HYCC1: variants seen among roughly 807,000 people sequenced by gnomAD.
The protein encoded by HYCC1 is hyccin.
the HYCC1 span, among the ~76,000 whole-genome samples, chr7:22,951,054 T>C: frequency 6.6e-6 from 1 of 151,988 alleles, no homozygotes. Flanking sequence ...ATACTTTTAA[T>C]AGACATTTCC....
At chr7:23,005,149 T>C in the HYCC1 span, among the ~76,000 whole-genome samples, 4 of 152,146 alleles carry the variant, frequency 2.6e-5, no homozygotes, top group Admixed American at 6.5e-5. Context: ...CCTATATTCC[T>C]CTTATAAGCC....
At chr7:22,910,487 T>C in the HYCC1 span, among the ~76,000 whole-genome samples, 9 of 152,338 alleles carry the variant, frequency 5.9e-5, no homozygotes, top group East Asian at 1.7e-3. Flanking sequence ...TTTAATATTA[T>C]TCAGTCTCAG....
chr7:22,958,269 A>G, the HYCC1 span, among the ~76,000 whole-genome samples: 8 of 152,138 alleles, frequency 5.3e-5, no homozygotes, highest in African/African-American at 1.9e-4. Flanking sequence ...AGGAGACTGC[A>G]ACCTACCTGT....
chr7:22,959,206 A>T, the HYCC1 span, among the ~76,000 whole-genome samples: 1 of 152,136 alleles, frequency 6.6e-6, no homozygotes, highest in African/African-American at 2.4e-5. Flanking sequence ...AAAACACCAA[A>T]AATGATCACT....
chr7:22,963,084 C>T, the HYCC1 span, among the ~76,000 whole-genome samples: 1 of 152,062 alleles, frequency 6.6e-6, no homozygotes, highest in Non-Finnish European at 1.5e-5. Flanking sequence ...AGAGGCATGC[C>T]CATTTCCTGT....
chr7:22,980,641 A>G, the HYCC1 span, among the ~76,000 whole-genome samples: 1 of 152,186 alleles, frequency 6.6e-6, no homozygotes, highest in Non-Finnish European at 1.5e-5. Context: ...AAATCTTGCA[A>G]AATTTTTTGT....
the HYCC1 span, among the ~76,000 whole-genome samples, chr7:22,997,066 C>T: frequency 6.6e-6 from 1 of 152,060 alleles, no homozygotes; most frequent in African/African-American, 2.4e-5. Flanking sequence ...ATTTCACTAG[C>T]CCAATAAGTC....
the HYCC1 span, chr7:22,934,275 G>A: frequency 7.8e-6 from 1 of 128,220 alleles, no homozygotes; most frequent in Non-Finnish European, 1.6e-5. Flanking sequence ...ATACTCAAGA[G>A]GAAAACAAGG....
chr7:22,898,385 T>C, the HYCC1 span, among the ~76,000 whole-genome samples: 1 of 151,636 alleles, frequency 6.6e-6, no homozygotes, highest in East Asian at 2.0e-4. Flanking sequence ...AGCTAATTTT[T>C]GTATTTTTAG....
At chr7:22,986,026 C>A in the HYCC1 span, among the ~76,000 whole-genome samples, 12 of 128,338 alleles carry the variant, frequency 9.4e-5, no homozygotes, top group East Asian at 2.3e-3. Context: ...AAGATTACTA[C>A]TTTATATATA....
chr7:22,993,550 GA>G, the HYCC1 span, among the ~76,000 whole-genome samples: 1 of 151,986 alleles, frequency 6.6e-6, no homozygotes, highest in Non-Finnish European at 1.5e-5. Flanking sequence ...AAATTATTAA[GA>G]AAAAAGGTAG....
At chr7:22,967,517 T>C in the HYCC1 span, among the ~76,000 whole-genome samples, 2 of 152,210 alleles carry the variant, frequency 1.3e-5, no homozygotes, top group Non-Finnish European at 2.9e-5. Context: ...TGCTAGGTTT[T>C]ACCACGTAGA....
the HYCC1 span, chr7:22,945,721 G>C: frequency 1.2e-6 from 2 of 1,613,770 alleles, no homozygotes; most frequent in Non-Finnish European, 8.5e-7. Flanking sequence ...AAAACCTATT[G>C]GCATCTGTCC....
the HYCC1 span, among the ~76,000 whole-genome samples, chr7:22,918,480 C>A: frequency 1.3e-5 from 2 of 152,164 alleles, no homozygotes; most frequent in East Asian, 1.9e-4. Flanking sequence ...ATACCACCCC[C>A]AAAAATTTTT....
chr7:22,907,822 G>C, the HYCC1 span, among the ~76,000 whole-genome samples: 1 of 152,324 alleles, frequency 6.6e-6, no homozygotes, highest in South Asian at 2.1e-4. Flanking sequence ...TGAGGCAGGA[G>C]AATCGCTTGA....
the HYCC1 span, chr7:22,976,583 T>C: frequency 1.3e-6 from 1 of 758,054 alleles, no homozygotes; most frequent in Non-Finnish European, 2.3e-6. Context: ...GACTCAGTAT[T>C]CAAATAAATT....
chr7:22,896,037 T>G, the HYCC1 span, among the ~76,000 whole-genome samples: 1 of 152,226 alleles, frequency 6.6e-6, no homozygotes, highest in African/African-American at 2.4e-5. Context: ...AAGATCGTAT[T>G]TAAATAGGCT....
At chr7:22,917,377 A>G in the HYCC1 span, among the ~76,000 whole-genome samples, 5 of 152,274 alleles carry the variant, frequency 3.3e-5, no homozygotes, top group South Asian at 4.2e-4. Flanking sequence ...GTGGAAATCT[A>G]TTCTCAAGGA....
At chr7:22,992,430 CTGTT>C in the HYCC1 span, among the ~76,000 whole-genome samples, 1 of 152,058 alleles carries the variant, frequency 6.6e-6, no homozygotes, top group South Asian at 2.1e-4. Flanking sequence ...ATAGAACTGT[CTGTT>C]TGGAGAAACT....
Sources: allele counts gnomAD v4.1 joint callset (sites outside exome capture counted in the v4.1 genomes callset), GRCh38; gene constraint gnomAD v4.1.1; transcripts MANE v1.5; gene names NCBI Gene and HGNC (gene_info 2026-07-23, HGNC 2026-07-21).